The following ASIC2 variants were observed in gnomAD, a reference collection of about 807,000 sequenced individuals.
ASIC2 encodes the protein acid-sensing ion channel 2.
Under a neutral mutation model 57.3 loss-of-function variants are expected in ASIC2, and 25 were observed. That is an observed-to-expected ratio of 0.44 (90% CI 0.32 to 0.61). The LOEUF is 0.61. ASIC2 is among the 20% of genes least tolerant of loss of function. ASIC2 has a pLI of 0.06. For synonymous variants in ASIC2, 319 were observed against 307.5 expected, an observed-to-expected ratio of 1.04 and a Z score of -0.39; for missense variants, 641 against 738.1, an observed-to-expected ratio of 0.87 and a Z score of 1.52.
At chr17:33,816,353 T>C (rs895704824) in intron 1 of ASIC2, among the ~76,000 whole-genome samples, 1 of 152,150 alleles carries the variant, frequency 6.6e-6, no homozygotes, top group Non-Finnish European at 1.5e-5. Flanking sequence ...AATGAATGCA[T>C]GAATGAGTGA....
chr17:33,996,638 G>T (rs1398822992), intron 1 of ASIC2, among the ~76,000 whole-genome samples: 1 of 152,192 alleles, frequency 6.6e-6, no homozygotes, highest in East Asian at 1.9e-4. Context: ...GTGTGTTCTT[G>T]GTGCCTCTGA....
chr17:33,223,016 A>T (rs1285972315), intron 1 of ASIC2, among the ~76,000 whole-genome samples: 1 of 152,166 alleles, frequency 6.6e-6, no homozygotes, highest in East Asian at 1.9e-4. Flanking sequence ...CCGGGTTCAT[A>T]CTAGGAAATC....
At chr17:33,689,637 T>C (rs1352785980) in intron 1 of ASIC2, among the ~76,000 whole-genome samples, 1 of 152,168 alleles carries the variant, frequency 6.6e-6, no homozygotes, top group Admixed American at 6.5e-5. Context: ...CAATATGCCA[T>C]GTCCAGATCC....
chr17:34,122,387 T>C (rs1598037348), intron 1 of ASIC2, among the ~76,000 whole-genome samples: 1 of 152,208 alleles, frequency 6.6e-6, no homozygotes, highest in African/African-American at 2.4e-5. Flanking sequence ...GAGCCAATCA[T>C]GTCAAAGTCT....
At chr17:33,083,223 A>G (rs553632141) in intron 3 of ASIC2, among the ~76,000 whole-genome samples, 1 of 152,324 alleles carries the variant, frequency 6.6e-6, no homozygotes, top group African/African-American at 2.4e-5. Flanking sequence ...CACAGAATCC[A>G]AAAGACACAA....
intron 1 of ASIC2, among the ~76,000 whole-genome samples, chr17:34,032,609 A>G (rs1022434482): frequency 6.6e-6 from 1 of 152,234 alleles, no homozygotes; most frequent in Non-Finnish European, 1.5e-5. Flanking sequence ...TGCTGTATTC[A>G]GGAAACCCAT....
intron 3 of ASIC2, among the ~76,000 whole-genome samples, chr17:33,084,299 G>A (rs1258276939): frequency 6.6e-6 from 1 of 152,184 alleles, no homozygotes; most frequent in African/African-American, 2.4e-5. Context: ...TAGAATCCAG[G>A]CCTCTGGACT....
chr17:34,118,264 T>C (rs1421708873), intron 1 of ASIC2: 1 of 152,200 alleles, frequency 6.6e-6, no homozygotes, highest in Non-Finnish European at 1.5e-5. Context: ...GTGGAATCAA[T>C]GAGTTAATGT....
At chr17:33,942,709 TG>T (rs1367231755) in intron 1 of ASIC2, among the ~76,000 whole-genome samples, 1 of 152,164 alleles carries the variant, frequency 6.6e-6, no homozygotes, top group African/African-American at 2.4e-5. Context: ...CTTCACATTT[TG>T]CTAGAGGAAG....
chr17:33,606,431 G>A (rs1334716668), intron 1 of ASIC2, among the ~76,000 whole-genome samples: 1 of 152,170 alleles, frequency 6.6e-6, no homozygotes, highest in Non-Finnish European at 1.5e-5. Context: ...GAAGCTTGGG[G>A]CTAGGTGCTG....
chr17:33,428,919 A>G (rs67301162), intron 1 of ASIC2, among the ~76,000 whole-genome samples: 58,355 of 152,092 alleles, frequency 0.38, 11,635 homozygotes, highest in Non-Finnish European at 0.42. Flanking sequence ...TCTCTGCACA[A>G]TAACTCAGGG....
intron 3 of ASIC2, among the ~76,000 whole-genome samples, chr17:33,063,765 G>C (rs2092030683): frequency 6.6e-6 from 1 of 152,126 alleles, no homozygotes; most frequent in Non-Finnish European, 1.5e-5. Context: ...TTTCCAATTT[G>C]GTTCCATTCT....
intron 1 of ASIC2, among the ~76,000 whole-genome samples, chr17:33,213,859 T>G (rs1404459355): frequency 6.6e-6 from 1 of 152,188 alleles, no homozygotes; most frequent in African/African-American, 2.4e-5. Context: ...GGAATACTGA[T>G]TCTCTCCCTG....
At chr17:33,367,180 A>G (rs536869619) in intron 1 of ASIC2, among the ~76,000 whole-genome samples, 4 of 152,292 alleles carry the variant, frequency 2.6e-5, no homozygotes, top group Admixed American at 2.6e-4. Flanking sequence ...AGGGAATTCT[A>G]TTAGGAAGTA....
intron 1 of ASIC2, among the ~76,000 whole-genome samples, chr17:33,227,602 C>G (rs922711853): frequency 2.0e-5 from 3 of 152,114 alleles, no homozygotes; most frequent in Admixed American, 1.3e-4. Context: ...GCGAACCTGA[C>G]CTCCAGGCCC....
chr17:33,443,671 C>T (rs1911912172), intron 1 of ASIC2, among the ~76,000 whole-genome samples: 1 of 151,754 alleles, frequency 6.6e-6, no homozygotes, highest in Non-Finnish European at 1.5e-5. Flanking sequence ...CCGCCTCGGC[C>T]TCCCAAAGTG....
intron 1 of ASIC2, among the ~76,000 whole-genome samples, chr17:33,440,039 C>T (rs1911769833): frequency 6.6e-6 from 1 of 152,166 alleles, no homozygotes; most frequent in East Asian, 1.9e-4. Context: ...ATAAACTTCA[C>T]CCCTTGTAAA....
chr17:33,514,616 T>C (rs1368506752), intron 1 of ASIC2, among the ~76,000 whole-genome samples: 2 of 152,216 alleles, frequency 1.3e-5, no homozygotes, highest in Admixed American at 6.5e-5. Flanking sequence ...CCAGGGCATT[T>C]CCCCAGTGAC....
chr17:33,350,008 GA>G lies in ASIC2; in HGVS notation c.556-237942del, dbSNP rs539349048. 1.3e-3 allele frequency among the ~76,000 whole-genome samples: 195 copies of G among 152,300 alleles called. 1 individual carries two copies. Among genetic ancestry groups the G allele is most frequent in the African/African-American group, 4.5e-3 (188 of 41,564 alleles). ...AACTTCTTTTATTCTATTTAGTGGT[GA>G]AAACTCTCAGTCTTCCTTGTGGGAT... On this transcript the variant is annotated intron_variant, in intron 1 of 9. Transcript: ENST00000359872.
Sources: gnomAD v4.1 joint callset for allele counts (sites outside exome capture counted in the v4.1 genomes callset) on GRCh38, gnomAD v4.1.1 for gene constraint, MANE v1.5 for transcripts, NCBI Gene and HGNC (gene_info 2026-07-23, HGNC 2026-07-21) for gene names.